Variants in ZNF334 observed in about 807,000 individuals in gnomAD.
ZNF334 encodes zinc finger protein 334.
A neutral mutation model predicts 12.4 loss-of-function variants in ZNF334; 14 were observed. The ratio of observed to expected loss-of-function variants is 1.13; its 90% CI spans 0.74 to 1.76. The LOEUF (loss-of-function observed/expected upper bound fraction) is 1.76. ZNF334 is among the 40% of genes most tolerant of loss of function. ZNF334 has a pLI of 0.00. For missense variants in ZNF334, 797 were observed against 804.5 expected, an observed-to-expected ratio of 0.99 and a Z score of 0.11; for synonymous variants, 273 against 269.6, an observed-to-expected ratio of 1.01 and a Z score of -0.12.
At chr20:46,466,675 G>A in the ZNF334 span, among the ~76,000 whole-genome samples, 1 of 151,966 alleles carries the variant, frequency 6.6e-6, no homozygotes, top group Non-Finnish European at 1.5e-5. Context: ...GTAGAAACGG[G>A]GTTTTGCCAT....
At chr20:46,494,424 G>C in the ZNF334 span, among the ~76,000 whole-genome samples, 1 of 152,116 alleles carries the variant, frequency 6.6e-6, no homozygotes. Flanking sequence ...TGTGTGTTGA[G>C]GCATCAGTAC....
the ZNF334 span, among the ~76,000 whole-genome samples, chr20:46,483,430 T>C: frequency 6.6e-6 from 1 of 152,190 alleles, no homozygotes; most frequent in Non-Finnish European, 1.5e-5. Context: ...TTTATTATTT[T>C]CTTTTATCTG....
intron 2 of ZNF334, among the ~76,000 whole-genome samples, chr20:46,511,768 C>T (rs1341508446): frequency 6.6e-6 from 1 of 152,126 alleles, no homozygotes; most frequent in African/African-American, 2.4e-5. Flanking sequence ...ATTTCTTTCT[C>T]AGCTGTTTTT....
the ZNF334 span, among the ~76,000 whole-genome samples, chr20:46,469,064 A>T: frequency 6.6e-6 from 1 of 152,178 alleles, no homozygotes; most frequent in Non-Finnish European, 1.5e-5. Flanking sequence ...CTTAAATGGG[A>T]CTTATTGCTA....
the ZNF334 span, among the ~76,000 whole-genome samples, chr20:46,469,631 C>T: frequency 2.0e-5 from 3 of 152,096 alleles, no homozygotes; most frequent in African/African-American, 7.2e-5. Flanking sequence ...TTCAGCCTCC[C>T]AAAGTGCTGG....
At chr20:46,492,627 A>G in the ZNF334 span, 5 of 152,444 alleles carry the variant, frequency 3.3e-5, no homozygotes, top group Non-Finnish European at 7.3e-5. Flanking sequence ...ACTCACAATA[A>G]AAAGAAACCC....
chr20:46,481,767 A>G, the ZNF334 span, among the ~76,000 whole-genome samples: 2 of 152,230 alleles, frequency 1.3e-5, no homozygotes, highest in Non-Finnish European at 2.9e-5. Flanking sequence ...TAATTAAAAT[A>G]ATATAGAAAT....
Position 46,500,319 on chromosome 20 carries a change from A to G in ZNF334, c.*977T>C, listed in dbSNP as rs1314366798. 1 of 152,220 alleles carries G rather than the reference A, an allele frequency of 6.6e-6. No homozygotes were observed. Among genetic ancestry groups the G allele is most frequent in the African/African-American group, 2.4e-5 (1 of 41,438 alleles). 9.4% of individuals were successfully genotyped at this position (152,220 alleles called of 1,614,324 possible). A position where few individuals can be genotyped will look rare whatever the true frequency, so the allele number is the denominator to read the frequency against. ...TCCCAATAACCCCATAAAAGTGGCAATCCTACCTCATCATATATATCCATA... is the reference window on the plus strand; with the variant it reads ...TCCCAATAACCCCATAAAAGTGGCAGTCCTACCTCATCATATATATCCATA... On this transcript the variant is annotated 3_prime_UTR_variant, in exon 5 of 5. Transcript: ENST00000692313.
chr20:46,501,641 G>A lies in ZNF334; in HGVS notation c.1698C>T (p.His566=). Residue 566 remains histidine (H), a synonymous_variant, in exon 5 of 5, where the codon CAC becomes CAT. Transcript: ENST00000692313. ...KSALTHHQRT[H]TGQRPYECNE... The stretch of plus-strand genomic sequence containing the variant: ...TACACTCATAGGGTCTCTGTCCTGT[G>A]TGTGTTCTCTGATGGTGAGTCAGGG... 6.2e-7 allele frequency: 1 copy of A among 1,614,150 alleles called. No homozygotes were observed. Among genetic ancestry groups the A allele is most frequent in the Non-Finnish European group, 8.5e-7 (1 of 1,179,992 alleles).
chr20:46,506,287 G>C (rs1244163606), intron 2 of ZNF334: 1 of 572,182 alleles, frequency 1.7e-6, no homozygotes, highest in Admixed American at 3.1e-5. Context: ...AAGTATTAAA[G>C]AATATCTATA....
At chr20:46,508,428 A>G (rs184194787) in intron 2 of ZNF334, among the ~76,000 whole-genome samples, 103 of 152,364 alleles carry the variant, frequency 6.8e-4, no homozygotes, top group Admixed American at 4.2e-3. Context: ...GAATATGAGG[A>G]CAGGAATGGG....
At chr20:46,470,164 A>G in the ZNF334 span, among the ~76,000 whole-genome samples, 1 of 152,230 alleles carries the variant, frequency 6.6e-6, no homozygotes, top group South Asian at 2.1e-4. Flanking sequence ...AAAGAGGGAC[A>G]GTGAGTTTTT....
chr20:46,478,307 C>T, the ZNF334 span, among the ~76,000 whole-genome samples: 2 of 152,184 alleles, frequency 1.3e-5, no homozygotes, highest in Non-Finnish European at 2.9e-5. Context: ...AAGATGTACA[C>T]TGGTTCAGTC....
the ZNF334 span, among the ~76,000 whole-genome samples, chr20:46,488,419 T>TTATTTATATA: frequency 2.2e-4 from 23 of 102,224 alleles, no homozygotes; most frequent in Non-Finnish European, 3.6e-4. Flanking sequence ...AGCTCTTATT[T>TTATTTATATA]TATATATATA....
chr20:46,480,405 C>G, the ZNF334 span, among the ~76,000 whole-genome samples: 6 of 152,222 alleles, frequency 3.9e-5, no homozygotes, highest in South Asian at 4.1e-4. Flanking sequence ...TACGCCGTCC[C>G]GCTGCTGAAA....
the ZNF334 span, among the ~76,000 whole-genome samples, chr20:46,468,341 C>T: frequency 6.6e-6 from 1 of 151,424 alleles, no homozygotes; most frequent in Non-Finnish European, 1.5e-5. Context: ...AATGGTGCAA[C>T]CTCGGCTCAC....
chr20:46,501,177 A>C lies in ZNF334; in HGVS notation c.*119T>G. ...TACATTGAGGGTTGACTTATGGCAG[A>C]AAAATTTTCCATATTCATTACATTT... On this transcript the variant is annotated 3_prime_UTR_variant, in exon 5 of 5. Coordinates refer to ENST00000692313, the MANE Select transcript of ZNF334 (RefSeq NM_001353824.2). The C allele has an allele frequency of 7.3e-7, 1 of 1,365,312 alleles. No homozygotes were observed. The highest frequency in any genetic ancestry group is 9.9e-7 in the Non-Finnish European group (1 of 1,014,100). 84.6% of individuals were successfully genotyped at this position (1,365,312 alleles called of 1,614,324 possible). A position where few individuals can be genotyped will look rare whatever the true frequency, so the allele number is the denominator to read the frequency against.
At chr20:46,510,582 C>T (rs906368061) in intron 2 of ZNF334, among the ~76,000 whole-genome samples, 4 of 151,716 alleles carry the variant, frequency 2.6e-5, no homozygotes, top group Admixed American at 2.6e-4. Flanking sequence ...AAAAATTAGC[C>T]AGGCGTGGTG....
the ZNF334 span, chr20:46,481,504 ATTTG>A: frequency 6.6e-6 from 1 of 152,248 alleles, no homozygotes; most frequent in Non-Finnish European, 1.5e-5. Context: ...CTAGGCATGA[ATTTG>A]TTTGAAAACT....
Sources: gnomAD v4.1 joint callset for allele counts (sites outside exome capture counted in the v4.1 genomes callset) on GRCh38, gnomAD v4.1.1 for gene constraint, MANE v1.5 for transcripts, NCBI Gene and HGNC (gene_info 2026-07-23, HGNC 2026-07-21) for gene names.